Variants in EPHA3 observed in about 807,000 individuals in gnomAD.
EPHA3 encodes the protein ephrin type-A receptor 3.
In EPHA3, 42 loss-of-function variants were observed where a neutral mutation model predicts 107.1. The observed-to-expected ratio is 0.39, with a 90% CI of 0.31 to 0.51. EPHA3 has a LOEUF of 0.51. Ranked by LOEUF, EPHA3 falls within the 20% of genes least tolerant of loss-of-function variation. The pLI is 0.78. For synonymous variants in EPHA3, 461 were observed against 424.8 expected (o/e 1.09, Z -1.05); for missense variants, 1,183 against 1,211.2 (o/e 0.98, Z 0.35).
At chr3:89,389,945 T>C in intron 5 of EPHA3, among the ~76,000 whole-genome samples, 1 of 152,216 alleles carries the variant, frequency 6.6e-6, no homozygotes, top group East Asian at 1.9e-4. Context: ...GAAACAATCT[T>C]TTAGAAAAAG....
chr3:89,163,904 G>T (rs1283749974), intron 2 of EPHA3, among the ~76,000 whole-genome samples: 1 of 152,184 alleles, frequency 6.6e-6, no homozygotes, highest in African/African-American at 2.4e-5. Flanking sequence ...GTTTATCCAG[G>T]TGAATAAGAG....
intron 3 of EPHA3, among the ~76,000 whole-genome samples, chr3:89,240,139 A>G (rs1055701073): frequency 5.3e-5 from 8 of 152,228 alleles, no homozygotes; most frequent in African/African-American, 1.2e-4. Context: ...AGCAGGTCGC[A>G]TGGTTGAAAT....
chr3:89,447,038 T>C (rs1416358939), intron 13 of EPHA3, among the ~76,000 whole-genome samples: 24 of 152,126 alleles, frequency 1.6e-4, no homozygotes, highest in South Asian at 2.1e-4. Flanking sequence ...GCATCCTGAG[T>C]AGATTCTGTT....
intron 3 of EPHA3, among the ~76,000 whole-genome samples, chr3:89,333,516 G>A (rs565868007): frequency 5.9e-5 from 9 of 152,230 alleles, no homozygotes; most frequent in East Asian, 5.8e-4. Flanking sequence ...CAAGCATGCC[G>A]TCACTAACTC....
chr3:89,209,247 A>G (rs887115748), intron 2 of EPHA3, among the ~76,000 whole-genome samples: 20 of 152,148 alleles, frequency 1.3e-4, no homozygotes, highest in African/African-American at 4.8e-4. Context: ...TTTTTCACAC[A>G]TAACTTGGTT....
rs1706141241 is a variant in EPHA3, at chr3:89,207,743, C to T, written c.154-2117C>T. Among the ~76,000 whole-genome samples the T allele has an allele frequency of 2.6e-5, 4 of 151,890 alleles. No individual in the cohort carries two copies. The South Asian group carries it at 8.3e-4, about 32-fold the overall frequency. On this transcript the variant is annotated intron_variant, in intron 2 of 16. Coordinates refer to ENST00000336596, the MANE Select transcript of EPHA3 (RefSeq NM_005233.6). ...AGGGTTTTATTCATAAATTTAACTACAATATTTAAATATATTTAAATATTT... is the reference window on the plus strand; with the variant it reads ...AGGGTTTTATTCATAAATTTAACTATAATATTTAAATATATTTAAATATTT...
At chr3:89,308,959 A>G (rs1706697927) in intron 3 of EPHA3, among the ~76,000 whole-genome samples, 1 of 152,160 alleles carries the variant, frequency 6.6e-6, no homozygotes. Context: ...TAACTACAGC[A>G]TCTGGGAGGC....
At chr3:89,195,654 T>G (rs1705821488) in intron 2 of EPHA3, among the ~76,000 whole-genome samples, 2 of 152,194 alleles carry the variant, frequency 1.3e-5, no homozygotes. Flanking sequence ...GTTCATTTAT[T>G]TGCTTATTCA....
intron 3 of EPHA3, among the ~76,000 whole-genome samples, chr3:89,249,568 C>G (rs2107260448): frequency 6.6e-6 from 1 of 152,216 alleles, no homozygotes; most frequent in East Asian, 1.9e-4. Context: ...TCGAGCAATT[C>G]CCCCGCCTCA....
chr3:89,415,467 A>AATATATATATATATATATAT (rs71621548), intron 10 of EPHA3, among the ~76,000 whole-genome samples: 1,563 of 131,234 alleles, frequency 0.012, 20 homozygotes, highest in Non-Finnish European at 0.017. Context: ...TTACAGAAAG[A>AATATATATATATATATATAT]ATATATATAT....
chr3:89,475,118 T>G (rs1294954716), intron 16 of EPHA3, among the ~76,000 whole-genome samples: 3 of 152,220 alleles, frequency 2.0e-5, no homozygotes, highest in Non-Finnish European at 4.4e-5. Context: ...ATGCACCTCA[T>G]GCTCCTAATT....
intron 3 of EPHA3, among the ~76,000 whole-genome samples, chr3:89,212,998 C>G (rs1704140066): frequency 6.6e-6 from 1 of 152,020 alleles, no homozygotes; most frequent in African/African-American, 2.4e-5. Flanking sequence ...ACTCTCCACT[C>G]ATTTCTCTGT....
rs550410062 is a variant in EPHA3 at position 89,305,972 on chromosome 3, G to A, written c.815-34944G>A. ...AAAAGAAAAGGACTACATATTATGT[G>A]CAATGATCATAAATGGAGTCAATAG... On this transcript the variant is annotated intron_variant, in intron 3 of 16. Transcript: ENST00000336596. Among the ~76,000 whole-genome samples the A allele has an allele frequency of 2.6e-5, 4 of 152,246 alleles. No individual in the cohort carries two copies. In the South Asian group the frequency reaches 6.2e-4, roughly 24 times the overall value.
chr3:89,229,497 T>G (rs947913323), intron 3 of EPHA3, among the ~76,000 whole-genome samples: 2 of 151,492 alleles, frequency 1.3e-5, no homozygotes, highest in African/African-American at 4.8e-5. Context: ...CAGTATGACA[T>G]CAATTTCTAA....
At chr3:89,297,199 A>G (rs1353884556) in intron 3 of EPHA3, among the ~76,000 whole-genome samples, 1 of 152,160 alleles carries the variant, frequency 6.6e-6, no homozygotes, top group East Asian at 1.9e-4. Flanking sequence ...ACTCCTTTTC[A>G]TTCACAACTT....
At chr3:89,467,068 C>T (rs1366782778) in intron 15 of EPHA3, among the ~76,000 whole-genome samples, 3 of 152,058 alleles carry the variant, frequency 2.0e-5, no homozygotes, top group Admixed American at 2.0e-4. Context: ...TTTTTAGTTA[C>T]TGATGAAAAA....
chr3:89,202,974 T>C (rs1315040227), intron 2 of EPHA3, among the ~76,000 whole-genome samples: 1 of 152,110 alleles, frequency 6.6e-6, no homozygotes, highest in Non-Finnish European at 1.5e-5. Flanking sequence ...TGAGCTTCTG[T>C]GTAAGGCATG....
chr3:89,347,386 A>T (rs1576325962), intron 5 of EPHA3, among the ~76,000 whole-genome samples: 1 of 149,646 alleles, frequency 6.7e-6, no homozygotes, highest in South Asian at 2.1e-4. Flanking sequence ...AGCAATTGTG[A>T]ATGGGAGTTC....
intron 3 of EPHA3, among the ~76,000 whole-genome samples, chr3:89,300,486 C>A (rs1280863192): frequency 1.3e-5 from 2 of 151,938 alleles, no homozygotes; most frequent in Non-Finnish European, 2.9e-5. Flanking sequence ...AACACACACA[C>A]AAACTAATAA....
Sources: gnomAD v4.1 joint callset for allele counts (sites outside exome capture counted in the v4.1 genomes callset) on GRCh38, gnomAD v4.1.1 for gene constraint, MANE v1.5 for transcripts, NCBI Gene and HGNC (gene_info 2026-07-23, HGNC 2026-07-21) for gene names.